The following PPAT variants were observed in gnomAD, a reference collection of about 807,000 sequenced individuals.
PPAT encodes phosphoribosyl pyrophosphate amidotransferase.
In PPAT, 20 loss-of-function variants were observed where a neutral mutation model predicts 60.2. The ratio of observed to expected loss-of-function variants is 0.33; its 90% CI spans 0.23 to 0.48. The LOEUF (loss-of-function observed/expected upper bound fraction) is 0.48. PPAT is among the 20% of genes least tolerant of loss of function. PPAT has a pLI of 0.99. For synonymous variants in PPAT, 194 were observed against 215.1 expected (o/e 0.90, Z 0.86); for missense variants, 349 against 629.6 (o/e 0.55, Z 4.77).
intron 1 of PPAT, among the ~76,000 whole-genome samples, chr4:56,412,070 T>C (rs1324392413): frequency 6.6e-6 from 1 of 152,158 alleles, no homozygotes; most frequent in African/African-American, 2.4e-5. Flanking sequence ...GATTAATAAA[T>C]AAGTAAATCA....
At chr4:56,425,167 G>T (rs1717225600) in intron 1 of PPAT, among the ~76,000 whole-genome samples, 2 of 152,140 alleles carry the variant, frequency 1.3e-5, no homozygotes, top group Admixed American at 1.3e-4. Context: ...GGTACGCTAA[G>T]AATTATGTTT....
At chr4:56,405,847 G>A (rs1282186883) in intron 3 of PPAT, among the ~76,000 whole-genome samples, 3 of 152,206 alleles carry the variant, frequency 2.0e-5, no homozygotes, top group Non-Finnish European at 2.9e-5. Flanking sequence ...ACCAAAGGTA[G>A]TGCTAGGGCT....
intron 1 of PPAT, among the ~76,000 whole-genome samples, chr4:56,434,553 G>T (rs959306884): frequency 1.3e-5 from 2 of 152,130 alleles, no homozygotes; most frequent in African/African-American, 4.8e-5. Context: ...AACTCGAAAG[G>T]ATCTCCCAAT....
intron 1 of PPAT, among the ~76,000 whole-genome samples, chr4:56,433,600 G>A (rs1717722635): frequency 6.6e-6 from 1 of 151,716 alleles, no homozygotes; most frequent in Non-Finnish European, 1.5e-5. Context: ...TAAATATAGT[G>A]AAGTACAGTT....
At chr4:56,399,111 G>T in intron 9 of PPAT, 68 bp downstream of exon 9, 1 of 1,377,616 alleles carries the variant, frequency 7.3e-7, no homozygotes, top group Non-Finnish European at 1.0e-6. Flanking sequence ...TCACTACCCT[G>T]AATTGCAATT....
chr4:56,406,598 C>A lies in PPAT; in HGVS notation c.299G>T (p.Cys100Phe). ...GAAGGGCTGACAATTTTCTAGTTCACATTTTCCTGTGGTGGCATACCTGGT... is the reference window on the plus strand; with the variant it reads ...GAAGGGCTGACAATTTTCTAGTTCAAATTTTCCTGTGGTGGCATACCTGGT... ...GHTRYATTGKCELENCQPFVV... is the reference protein window; with the variant it reads ...GHTRYATTGKFELENCQPFVV... The change falls in exon 3 of 11, where the codon TGT becomes TTT. Residue 100 changes from cysteine (C) to phenylalanine (F), a missense_variant. By Grantham distance (205) the Cys-to-Phe change is radical. Around this residue, in one of 5 missense-constraint regions of PPAT, gnomAD observed 115 missense variants for 174.5 expected, o/e 0.66. Transcript: ENST00000264220. The A allele has an allele frequency of 6.2e-7, 1 of 1,613,678 alleles. No individual in the cohort carries two copies. Among genetic ancestry groups the A allele is most frequent in the Non-Finnish European group, 8.5e-7 (1 of 1,179,670 alleles).
intron 9 of PPAT, among the ~76,000 whole-genome samples, chr4:56,397,897 C>T (rs1716013565): frequency 1.3e-5 from 2 of 151,542 alleles, no homozygotes; most frequent in South Asian, 4.2e-4. Context: ...GAAAAATCAG[C>T]CGGGCATGGT....
At chr4:56,433,326 C>G (rs553135838) in intron 1 of PPAT, among the ~76,000 whole-genome samples, 65 of 149,542 alleles carry the variant, frequency 4.3e-4, no homozygotes, top group African/African-American at 1.5e-3. Flanking sequence ...ATTATTTAAT[C>G]TTACAATTCT....
chr4:56,427,764 C>G (rs1717369952), intron 1 of PPAT, among the ~76,000 whole-genome samples: 1 of 152,070 alleles, frequency 6.6e-6, no homozygotes, highest in South Asian at 2.1e-4. Flanking sequence ...CCCCTGTCAC[C>G]CCCTGCTGCA....
chr4:56,435,577 G>A lies in PPAT; in HGVS notation c.-100C>T, dbSNP rs1036360927. Reference sequence around the variant, plus strand: ...CCGTCGAGCTCAGAAGCTCGCGCTCGCGACAGGCTCTTCCTTCCCGAGGGT... The same window carrying A: ...CCGTCGAGCTCAGAAGCTCGCGCTCACGACAGGCTCTTCCTTCCCGAGGGT... On this transcript the variant is annotated 5_prime_UTR_variant, in exon 1 of 11. Coordinates refer to ENST00000264220, the MANE Select transcript of PPAT (RefSeq NM_002703.5). The A allele has an allele frequency of 1.5e-5, 23 of 1,583,940 alleles. No homozygotes were observed. Among genetic ancestry groups the A allele is most frequent in the East Asian group, 2.2e-5 (1 of 44,658 alleles).
At chr4:56,422,401 A>C (rs1717082168) in intron 1 of PPAT, 1 of 152,172 alleles carries the variant, frequency 6.6e-6, no homozygotes, top group African/African-American at 2.4e-5. Flanking sequence ...AGTCAGTAAT[A>C]AGTCAGAAGA....
intron 9 of PPAT, among the ~76,000 whole-genome samples, chr4:56,398,238 C>T (rs1716029103): frequency 6.6e-6 from 1 of 151,950 alleles, no homozygotes; most frequent in Non-Finnish European, 1.5e-5. Flanking sequence ...GCTGCAATGG[C>T]ACATGCCTAT....
chr4:56,411,076 ATTT>A (rs1180538621), intron 1 of PPAT, among the ~76,000 whole-genome samples: 1 of 152,104 alleles, frequency 6.6e-6, no homozygotes, highest in Non-Finnish European at 1.5e-5. Context: ...AAGGTTAAGA[ATTT>A]TTTTAAAAAG....
intron 3 of PPAT, among the ~76,000 whole-genome samples, chr4:56,403,602 A>G (rs530105764): frequency 6.6e-6 from 1 of 152,170 alleles, no homozygotes; most frequent in Non-Finnish European, 1.5e-5. Flanking sequence ...TGGACCAGGG[A>G]CAGGGGATGA....
In PPAT at chr4:56,395,328, A is replaced by C. The variant is rs1029218616; in HGVS notation, c.*24T>G. On this transcript the variant is annotated 3_prime_UTR_variant, in exon 11 of 11. Transcript: ENST00000264220. ...TTCTTGACCAACTTTCTATCTTGAA[A>C]CTACACACATCCAACCCTACCAGCT... The C allele has an allele frequency of 2.6e-6, 4 of 1,564,042 alleles. No homozygotes were observed. In the African/African-American group the frequency reaches 5.6e-5, roughly 22 times the overall value.
intron 1 of PPAT, among the ~76,000 whole-genome samples, chr4:56,424,582 G>A (rs983261586): frequency 1.3e-5 from 2 of 152,214 alleles, no homozygotes; most frequent in Non-Finnish European, 2.9e-5. Context: ...TAAGTAAAAA[G>A]AAGTGGCCCA....
intron 1 of PPAT, among the ~76,000 whole-genome samples, chr4:56,417,904 A>G: frequency 6.7e-6 from 1 of 148,856 alleles, no homozygotes; most frequent in East Asian, 2.0e-4. Flanking sequence ...GCAGTGGTGC[A>G]ATCTCGGCTC....
chr4:56,402,833 AAAAAAAAAAAAAAAAGG>A (rs878982501), intron 5 of PPAT, among the ~76,000 whole-genome samples, 190 bp downstream of exon 5: 21 of 136,320 alleles, frequency 1.5e-4, no homozygotes, highest in Admixed American at 2.2e-4. Context: ...AAAAAAAAAA[AAAAAAAAAAAAAAAAGG>A]GGGGGGACTC....
At position 56,394,675 on chromosome 4, in the gene PPAT, A is replaced by G. The variant is rs908109187; in HGVS notation, c.*677T>C. 4 of 152,184 alleles carry G rather than the reference A, an allele frequency of 2.6e-5. No individual in the cohort carries two copies. The highest frequency in any genetic ancestry group is 5.9e-5 in the Non-Finnish European group (4 of 68,038). 9.4% of individuals were successfully genotyped at this position (152,184 alleles called of 1,614,324 possible). ...CTTCCATCATAATGAAATCTTAATT[A>G]ATTGTAAACTAATTTCAAAAAGTTA... is the stretch of plus-strand genomic sequence containing the variant. On this transcript the variant is annotated 3_prime_UTR_variant, in exon 11 of 11. Transcript: ENST00000264220.
Sources: gnomAD v4.1 joint callset for allele counts (sites outside exome capture counted in the v4.1 genomes callset) on GRCh38, gnomAD v4.1.1 for gene constraint, gnomAD v4.1.1 regional missense constraint, MANE v1.5 for transcripts, NCBI Gene and HGNC (gene_info 2026-07-23, HGNC 2026-07-21) for gene names.